NTN1: variants seen among roughly 807,000 people sequenced by gnomAD.
The protein encoded by NTN1 is netrin 1.
A neutral mutation model predicts 54.2 loss-of-function variants in NTN1; 11 were observed. The ratio of observed to expected loss-of-function variants is 0.20; its 90% CI spans 0.13 to 0.34. The LOEUF (loss-of-function observed/expected upper bound fraction) is 0.34. Ranked by LOEUF, NTN1 falls within the 10% of genes least tolerant of loss-of-function variation. NTN1 has a pLI of 1.00. For synonymous variants in NTN1, 371 were observed against 382.0 expected, an observed-to-expected ratio of 0.97 and a Z score of 0.33; for missense variants, 740 against 893.1, an observed-to-expected ratio of 0.83 and a Z score of 2.18.
Position 9,165,072 on chromosome 17 carries a change from G to A in NTN1, c.1207+2071G>A, listed in dbSNP as rs529409727. On this transcript the variant is annotated intron_variant, in intron 3 of 6. Transcript: ENST00000173229. This position sits in a 1 kb window ranked among gnomAD's most constrained non-coding sequence, Gnocchi z 4.5. ...AGCTGGCTTGCACATAGATTTCTTG[G>A]GAGTTCAGCCAAGAAATTTTACCCA... is the stretch of plus-strand genomic sequence containing the variant. Among the ~76,000 whole-genome samples the A allele has an allele frequency of 9.2e-5, 14 of 152,158 alleles. No individual in the cohort carries two copies. Among genetic ancestry groups the A allele is most frequent in the Non-Finnish European group, 2.1e-4 (14 of 68,034 alleles).
At chr17:9,163,477 A>C (rs1248467292) in intron 3 of NTN1, among the ~76,000 whole-genome samples, 2 of 142,790 alleles carry the variant, frequency 1.4e-5, no homozygotes, top group East Asian at 2.1e-4. Flanking sequence ...TCCCCCCCGA[A>C]ACACACACAC....
chr17:9,228,323 C>T (rs917505), intron 6 of NTN1, among the ~76,000 whole-genome samples: 142,768 of 152,306 alleles, frequency 0.94, 66,965 homozygotes, highest in East Asian at 0.99. Context: ...AGGCATAGCA[C>T]GAGGAAACGG....
intron 2 of NTN1, among the ~76,000 whole-genome samples, chr17:9,029,877 A>G (rs7223668): frequency 0.54 from 81,363 of 151,740 alleles, 22,374 homozygotes; most frequent in East Asian, 0.75. Context: ...CTGTAATCCC[A>G]GCTACTTGGG....
At chr17:9,150,624 G>A (rs774839669) in intron 2 of NTN1, among the ~76,000 whole-genome samples, 59 of 152,188 alleles carry the variant, frequency 3.9e-4, no homozygotes, top group African/African-American at 1.2e-3. Flanking sequence ...CCCGCCCGCC[G>A]GGCAGGCGGA....
intron 2 of NTN1, among the ~76,000 whole-genome samples, chr17:9,065,908 G>A (rs997996448): frequency 1.3e-5 from 2 of 152,160 alleles, no homozygotes; most frequent in African/African-American, 4.8e-5. Context: ...TTATCATTTT[G>A]CTAATCCTGG....
chr17:9,114,378 T>A (rs1163648498), intron 2 of NTN1, among the ~76,000 whole-genome samples: 1 of 151,420 alleles, frequency 6.6e-6, no homozygotes, highest in East Asian at 1.9e-4. Flanking sequence ...TACTTTTAAT[T>A]ACAAAATGCA....
chr17:9,088,527 C>A (rs1288082541), intron 2 of NTN1, among the ~76,000 whole-genome samples: 3 of 152,148 alleles, frequency 2.0e-5, no homozygotes, highest in Admixed American at 6.5e-5. Flanking sequence ...CAATGACACA[C>A]ACCAAATAGT....
intron 2 of NTN1, among the ~76,000 whole-genome samples, chr17:9,080,225 G>A (rs188994698): frequency 6.6e-6 from 1 of 152,220 alleles, no homozygotes; most frequent in Admixed American, 6.5e-5. Flanking sequence ...AGCCCCCTGC[G>A]TGACCTCTGA....
intron 2 of NTN1, among the ~76,000 whole-genome samples, chr17:9,093,883 A>G (rs2092121853): frequency 6.6e-6 from 1 of 152,156 alleles, no homozygotes; most frequent in African/African-American, 2.4e-5. Context: ...CTGAGGCAGG[A>G]GAATCACTTG....
At chr17:9,223,140 A>G (rs145436759) in intron 6 of NTN1, among the ~76,000 whole-genome samples, 1 of 152,374 alleles carries the variant, frequency 6.6e-6, no homozygotes, top group East Asian at 1.9e-4. Context: ...AGGGCAGTGC[A>G]GAAACTTCCA....
rs758056714 is a variant in NTN1 at position 9,179,936 on chromosome 17, C to T, written c.1337C>T (p.Ser446Phe). 1 of 1,613,790 alleles carries T rather than the reference C, an allele frequency of 6.2e-7. No homozygotes were observed. The highest frequency in any genetic ancestry group is 1.7e-5 in the Admixed American group (1 of 60,008). ...GCCAAAGGCTACCAGCAGAGCCGCT[C>T]TCCCATCGCCCCCTGCATAAGTATG... is the stretch of plus-strand genomic sequence containing the variant. ...RCAKGYQQSR[S>F]PIAPCIKIPV... Residue 446 changes from serine (S) to phenylalanine (F), a missense_variant, in exon 4 of 7, where the codon TCT becomes TTT. Physicochemically the swap from Ser to Phe is radical, Grantham distance 155 (BLOSUM62 -2). Transcript: ENST00000173229.
chr17:9,066,451 A>G (rs985170428), intron 2 of NTN1, among the ~76,000 whole-genome samples: 8 of 151,708 alleles, frequency 5.3e-5, no homozygotes, highest in Non-Finnish European at 1.2e-4. Context: ...ATATGGTGAA[A>G]CCCTGTCTCT....
intron 4 of NTN1, among the ~76,000 whole-genome samples, chr17:9,182,444 C>T (rs1435864377): frequency 1.3e-5 from 2 of 152,232 alleles, no homozygotes; most frequent in African/African-American, 2.4e-5. Flanking sequence ...CTTCTCTGCA[C>T]GTGGGAGAAA....
the NTN1 span, among the ~76,000 whole-genome samples, chr17:9,013,321 AT>A: frequency 6.8e-6 from 1 of 148,080 alleles, no homozygotes; most frequent in Admixed American, 6.8e-5. Flanking sequence ...GGTTCAAGCG[AT>A]TCTCCTGCCT....
chr17:9,136,709 A>AT (rs1028742972), intron 2 of NTN1, among the ~76,000 whole-genome samples: 2 of 152,154 alleles, frequency 1.3e-5, no homozygotes, highest in Non-Finnish European at 2.9e-5. Flanking sequence ...TCCTTTTATT[A>AT]TTTTTTTGAA....
chr17:9,196,777 T>G (rs1904645418), intron 5 of NTN1, among the ~76,000 whole-genome samples: 1 of 152,114 alleles, frequency 6.6e-6, no homozygotes, highest in South Asian at 2.1e-4. Flanking sequence ...TATTGTGGGA[T>G]TAAGGAAAGG....
intron 6 of NTN1, among the ~76,000 whole-genome samples, chr17:9,234,003 T>C (rs1035034714): frequency 6.6e-6 from 1 of 152,198 alleles, no homozygotes; most frequent in Non-Finnish European, 1.5e-5. Context: ...CCATTGGCTG[T>C]AACCAACTCC....
chr17:9,162,668 A>C, intron 2 of NTN1, 145 bp from the exon 3 acceptor site: 10 of 734,086 alleles, frequency 1.4e-5, no homozygotes, highest in Non-Finnish European at 2.1e-5. Flanking sequence ...GGAGCCGAGG[A>C]GGAGCTCCTG....
rs1336485165 is a variant in NTN1 at position 9,210,462 on chromosome 17, ACACACT to A, written c.1412-10704_1412-10699del. ...CCCACACCCACACACACACACACAC[ACACACT>A]CTTCTGCTGTCTCCTGGGGAGGGGG... On this transcript the variant is annotated intron_variant, in intron 5 of 6. Transcript: ENST00000173229. Among the ~76,000 whole-genome samples, 353 of 130,890 alleles carry A rather than the reference ACACACT, an allele frequency of 2.7e-3. 3 individuals carry two copies. Among genetic ancestry groups the A allele is most frequent in the African/African-American group, 8.4e-3 (294 of 35,034 alleles). The allele number at this position is 130,890 out of a possible 152,430, so 85.9% of individuals were successfully genotyped here. A position where few individuals can be genotyped will look rare whatever the true frequency, so the allele number is the denominator to read the frequency against.
Sources: gnomAD v4.1 joint callset for allele counts (sites outside exome capture counted in the v4.1 genomes callset) on GRCh38, gnomAD v4.1.1 for gene constraint, Gnocchi (gnomAD v3.1) non-coding constraint, MANE v1.5 for transcripts, NCBI Gene and HGNC (gene_info 2026-07-23, HGNC 2026-07-21) for gene names.